Variants in WARS2 observed in about 807,000 individuals in gnomAD.
The protein encoded by WARS2 is tryptophanyl tRNA synthetase 2, mitochondrial.
WARS2 carries 28 observed loss-of-function variants against 36.5 expected under a neutral mutation model. The observed-to-expected ratio is 0.77, with a 90% CI of 0.57 to 1.05. WARS2 has a LOEUF of 1.05. Among genes scored for constraint, WARS2 ranks in the 50% least tolerant of loss-of-function variants. The pLI is 0.00. For missense variants in WARS2, 435 were observed against 456.8 expected (o/e 0.95, Z 0.44); for synonymous variants, 174 against 178.4 (o/e 0.98, Z 0.20).
At chr1:119,034,922 C>T (rs1162155914) in intron 4 of WARS2, among the ~76,000 whole-genome samples, 1 of 152,090 alleles carries the variant, frequency 6.6e-6, no homozygotes, top group Non-Finnish European at 1.5e-5. Flanking sequence ...AGTAAAAAAA[C>T]ATACTGGAAG....
At chr1:119,052,364 C>T (rs1480201655) in intron 2 of WARS2, among the ~76,000 whole-genome samples, 1 of 152,176 alleles carries the variant, frequency 6.6e-6, no homozygotes, top group Non-Finnish European at 1.5e-5. Context: ...ATTGCTTCCT[C>T]TTGGAAACTA....
intron 1 of WARS2, among the ~76,000 whole-genome samples, chr1:119,122,947 T>C (rs1655423218): frequency 6.6e-6 from 1 of 151,980 alleles, no homozygotes; most frequent in Non-Finnish European, 1.5e-5. Context: ...GAAGAAAAAA[T>C]CAGCTCTCTG....
At chr1:119,138,463 T>C in intron 1 of WARS2, among the ~76,000 whole-genome samples, 1 of 152,196 alleles carries the variant, frequency 6.6e-6, no homozygotes, top group Non-Finnish European at 1.5e-5. Context: ...AAAAAGTGTG[T>C]GTCTTCAATT....
intron 1 of WARS2, chr1:119,126,610 T>G (rs1571397698): frequency 1.5e-6 from 1 of 683,462 alleles, no homozygotes; most frequent in East Asian, 2.7e-5. Flanking sequence ...TTGTCCCCAG[T>G]GGCTTTTCCA....
intron 1 of WARS2, chr1:119,126,865 G>A (rs1416360480): frequency 6.2e-6 from 5 of 803,186 alleles, no homozygotes; most frequent in Admixed American, 5.2e-5. Context: ...TGTTGGTGCT[G>A]AGCATAAGAG....
At chr1:119,041,477 G>A (rs1273173850) in intron 4 of WARS2, among the ~76,000 whole-genome samples, 1 of 152,042 alleles carries the variant, frequency 6.6e-6, no homozygotes, top group Non-Finnish European at 1.5e-5. Flanking sequence ...GATGGATTAG[G>A]GGTCCAGGAA....
intron 1 of WARS2, among the ~76,000 whole-genome samples, chr1:119,131,107 A>G (rs943874810): frequency 3.9e-5 from 6 of 152,242 alleles, no homozygotes; most frequent in Admixed American, 1.3e-4. Context: ...ACAATGTCCT[A>G]TAAAATTTCA....
At chr1:119,128,024 T>C (rs1290278539) in intron 1 of WARS2, among the ~76,000 whole-genome samples, 2 of 152,188 alleles carry the variant, frequency 1.3e-5, no homozygotes, top group Non-Finnish European at 2.9e-5. Flanking sequence ...AAAGCTTTTG[T>C]TGCTAATGTC....
rs547746474 is a variant in WARS2, at chr1:119,049,624, C to T, written c.349-3962G>A. 6.6e-5 allele frequency among the ~76,000 whole-genome samples: 10 copies of T among 152,308 alleles called. No homozygotes were observed. In the South Asian group the frequency reaches 2.1e-3, roughly 32 times the overall value. The stretch of plus-strand genomic sequence containing the variant: ...GTTCTCAAGCTCAACACATCCAAAA[C>T]GTAACTCCTGATCCTCCGTTCCAAA... On this transcript the variant is annotated intron_variant, in intron 2 of 5. Transcript: ENST00000235521.
chr1:119,102,886 T>C (rs1414118028), intron 1 of WARS2, among the ~76,000 whole-genome samples: 1 of 152,246 alleles, frequency 6.6e-6, no homozygotes, highest in African/African-American at 2.4e-5. Context: ...CTGTTTATTA[T>C]CATCCTATAA....
intron 4 of WARS2, among the ~76,000 whole-genome samples, chr1:119,039,068 A>G (rs139083012): frequency 6.6e-6 from 1 of 152,198 alleles, no homozygotes; most frequent in Non-Finnish European, 1.5e-5. Context: ...TTTCATCTCT[A>G]TCTGAATGAA....
intron 1 of WARS2, among the ~76,000 whole-genome samples, chr1:119,076,827 CAAATGCAAAGACATATA>C (rs917036820): frequency 1.3e-5 from 2 of 152,060 alleles, no homozygotes; most frequent in African/African-American, 4.8e-5. Context: ...CAAACATGGA[CAAATGCAAAGACATATA>C]AGAAAAGATC....
At chr1:119,056,423 A>G (rs1649816383) in intron 2 of WARS2, among the ~76,000 whole-genome samples, 1 of 150,476 alleles carries the variant, frequency 6.6e-6, no homozygotes, top group African/African-American at 2.4e-5. Flanking sequence ...CTTTTGGTTC[A>G]TATAACAACA....
At chr1:119,098,499 A>G (rs1332196999) in intron 1 of WARS2, among the ~76,000 whole-genome samples, 7 of 149,164 alleles carry the variant, frequency 4.7e-5, no homozygotes, top group East Asian at 4.1e-4. Context: ...GTGCAATGGC[A>G]CGATCTCGGC....
intron 2 of WARS2, chr1:119,047,514 T>G (rs1648961985): frequency 6.6e-6 from 1 of 152,222 alleles, no homozygotes; most frequent in Admixed American, 6.5e-5. Context: ...GCAGAGATCT[T>G]CCTGGTGTTT....
chr1:119,125,602 A>G (rs1462893915), intron 1 of WARS2, among the ~76,000 whole-genome samples: 1 of 152,234 alleles, frequency 6.6e-6, no homozygotes, highest in East Asian at 1.9e-4. Flanking sequence ...GACATATTCA[A>G]ATAATCCTCC....
intron 2 of WARS2, among the ~76,000 whole-genome samples, chr1:119,069,945 G>C (rs2101272621): frequency 6.6e-6 from 1 of 152,280 alleles, no homozygotes; most frequent in Admixed American, 6.5e-5. Context: ...TATGTAGGCA[G>C]GGGACAGAAC....
chr1:119,034,000 C>CT (rs1647667955), intron 5 of WARS2, 95 bp downstream of exon 5: 7 of 1,044,478 alleles, frequency 6.7e-6, no homozygotes, highest in South Asian at 2.9e-5. Flanking sequence ...TACAAGAAAG[C>CT]TGAGGTTAGT....
At chr1:119,098,247 T>TCAAAA (rs913983817) in intron 1 of WARS2, among the ~76,000 whole-genome samples, 4 of 152,010 alleles carry the variant, frequency 2.6e-5, no homozygotes, top group Non-Finnish European at 4.4e-5. Flanking sequence ...AGACACCGTC[T>TCAAAA]CAAAACAAAA....
Sources: gnomAD v4.1 joint callset for allele counts (sites outside exome capture counted in the v4.1 genomes callset) on GRCh38, gnomAD v4.1.1 for gene constraint, MANE v1.5 for transcripts, NCBI Gene and HGNC (gene_info 2026-07-23, HGNC 2026-07-21) for gene names.